The following FHIT variants were observed in gnomAD, a reference collection of about 807,000 sequenced individuals.
FHIT encodes the protein bis(5'-adenosyl)-triphosphatase.
FHIT carries 19 observed loss-of-function variants against 17.9 expected under a neutral mutation model. The ratio of observed to expected loss-of-function variants is 1.06; its 90% CI spans 0.74 to 1.56. The LOEUF (loss-of-function observed/expected upper bound fraction) is 1.56, where lower values mean the gene tolerates loss of function less well. Ranked by LOEUF, FHIT falls within the 40% of genes most tolerant of loss-of-function variation. FHIT has a pLI of 0.00. For synonymous variants in FHIT, 81 were observed against 69.7 expected, an observed-to-expected ratio of 1.16 and a Z score of -0.81; for missense variants, 248 against 189.2, an observed-to-expected ratio of 1.31 and a Z score of -1.82.
At chr3:60,276,854 C>G (rs1559781920) in intron 5 of FHIT, among the ~76,000 whole-genome samples, 1 of 152,068 alleles carries the variant, frequency 6.6e-6, no homozygotes, top group Non-Finnish European at 1.5e-5. Context: ...TTTTAAACAG[C>G]CAGATCTCAT....
intron 5 of FHIT, among the ~76,000 whole-genome samples, chr3:60,527,554 A>C (rs972773864): frequency 1.3e-5 from 2 of 152,210 alleles, no homozygotes; most frequent in Admixed American, 6.5e-5. Flanking sequence ...TAACCAAGCT[A>C]AACTGCCTGG....
At chr3:60,772,979 C>T (rs1700096449) in intron 4 of FHIT, among the ~76,000 whole-genome samples, 1 of 152,146 alleles carries the variant, frequency 6.6e-6, no homozygotes, top group Admixed American at 6.5e-5. Flanking sequence ...TTCGCCCAAA[C>T]TACCTTTGAA....
intron 2 of FHIT, among the ~76,000 whole-genome samples, chr3:61,055,469 T>C (rs2034184080): frequency 6.6e-6 from 1 of 152,198 alleles, no homozygotes; most frequent in African/African-American, 2.4e-5. Context: ...TTCCCAAAGC[T>C]TATAGTGTTT....
chr3:60,656,579 A>G (rs2040121381), intron 4 of FHIT, among the ~76,000 whole-genome samples: 1 of 152,134 alleles, frequency 6.6e-6, no homozygotes, highest in South Asian at 2.1e-4. Context: ...AGCGCTCAAT[A>G]CGTGAAATGA....
At chr3:60,296,496 G>T (rs1708218308) in intron 5 of FHIT, among the ~76,000 whole-genome samples, 1 of 152,006 alleles carries the variant, frequency 6.6e-6, no homozygotes, top group South Asian at 2.1e-4. Flanking sequence ...TTTTCCAAAT[G>T]GTTTGTCTTT....
intron 4 of FHIT, among the ~76,000 whole-genome samples, chr3:60,792,394 T>A (rs1256472688): frequency 2.6e-5 from 4 of 152,190 alleles, no homozygotes; most frequent in African/African-American, 9.7e-5. Flanking sequence ...ACAGTTAAAA[T>A]CATGCTGTCG....
chr3:60,012,954 G>A (rs1439488631), intron 6 of FHIT, among the ~76,000 whole-genome samples: 1 of 152,110 alleles, frequency 6.6e-6, no homozygotes, highest in African/African-American at 2.4e-5. Context: ...CCAGAAACAC[G>A]GTTTGCAACA....
intron 1 of FHIT, among the ~76,000 whole-genome samples, chr3:61,203,933 A>T (rs2039118823): frequency 6.6e-6 from 1 of 152,244 alleles, no homozygotes; most frequent in South Asian, 2.1e-4. Flanking sequence ...ATGGCAAAAA[A>T]TACAGAAAAC....
intron 5 of FHIT, among the ~76,000 whole-genome samples, chr3:60,146,818 G>A (rs972370081): frequency 1.3e-5 from 2 of 152,060 alleles, no homozygotes; most frequent in African/African-American, 2.4e-5. Flanking sequence ...CCTACCATGC[G>A]TCCGCTATCC....
chr3:61,189,229 G>T (rs1188856702), intron 2 of FHIT, among the ~76,000 whole-genome samples: 1 of 152,164 alleles, frequency 6.6e-6, no homozygotes, highest in Non-Finnish European at 1.5e-5. Context: ...GGTAACTTCG[G>T]CTAAGTCTCA....
At chr3:59,779,364 G>A (rs539819304) in intron 8 of FHIT, among the ~76,000 whole-genome samples, 10 of 152,204 alleles carry the variant, frequency 6.6e-5, no homozygotes, top group African/African-American at 2.2e-4. Flanking sequence ...AAACCTTAAC[G>A]TACATAAGCC....
chr3:60,194,210 G>C (rs1702521958), intron 5 of FHIT, among the ~76,000 whole-genome samples: 1 of 152,044 alleles, frequency 6.6e-6, no homozygotes, highest in Admixed American at 6.5e-5. Context: ...TAGTAACCAA[G>C]ACAGCATGGT....
intron 4 of FHIT, among the ~76,000 whole-genome samples, chr3:60,718,058 G>A (rs992475437): frequency 1.3e-5 from 2 of 152,040 alleles, no homozygotes; most frequent in East Asian, 1.9e-4. Context: ...TATGGTATTG[G>A]ATCTCAACCT....
chr3:60,265,420 T>A (rs1329372768), intron 5 of FHIT, among the ~76,000 whole-genome samples: 2 of 151,828 alleles, frequency 1.3e-5, no homozygotes, highest in Non-Finnish European at 2.9e-5. Context: ...AAAAATTAAC[T>A]CGAAATAGAT....
chr3:61,249,862 C>G (rs2040570724), intron 1 of FHIT, among the ~76,000 whole-genome samples: 1 of 148,850 alleles, frequency 6.7e-6, no homozygotes, highest in Non-Finnish European at 1.5e-5. Context: ...GAAGCATGTA[C>G]GTTAATACTT....
intron 8 of FHIT, among the ~76,000 whole-genome samples, chr3:59,886,740 T>C (rs191390416): frequency 7.9e-5 from 12 of 152,244 alleles, no homozygotes; most frequent in Admixed American, 2.0e-4. Flanking sequence ...ACTTCCAATA[T>C]TGGGGATGAA....
chr3:60,816,235 T>A (rs782624762), intron 4 of FHIT, among the ~76,000 whole-genome samples: 7 of 152,132 alleles, frequency 4.6e-5, no homozygotes, highest in Non-Finnish European at 8.8e-5. Context: ...TTTTATTTCT[T>A]TCTCTTGCCT....
intron 2 of FHIT, among the ~76,000 whole-genome samples, chr3:61,163,418 A>G (rs555483267): frequency 2.2e-4 from 33 of 152,370 alleles, no homozygotes; most frequent in African/African-American, 7.7e-4. Context: ...TCTGGCACAC[A>G]GAAGGCTGAA....
chr3:60,771,354 A>G (rs2108074684), intron 4 of FHIT, among the ~76,000 whole-genome samples: 1 of 152,334 alleles, frequency 6.6e-6, no homozygotes, highest in Non-Finnish European at 1.5e-5. Context: ...CACTTTGCAT[A>G]TCAATACTCT....
Sources: allele counts gnomAD v4.1 joint callset (sites outside exome capture counted in the v4.1 genomes callset), GRCh38; gene constraint gnomAD v4.1.1; transcripts MANE v1.5; gene names NCBI Gene and HGNC (gene_info 2026-07-23, HGNC 2026-07-21).